The following ANKRD36C variants were observed in gnomAD, a reference collection of about 807,000 sequenced individuals.
ANKRD36C encodes the protein ankyrin repeat domain-containing protein 36C.
Under a neutral mutation model 276.4 loss-of-function variants are expected in ANKRD36C, and 61 were observed. That is an observed-to-expected ratio of 0.22 (90% CI 0.18 to 0.27). The LOEUF (loss-of-function observed/expected upper bound fraction) is 0.27, where lower values mean the gene tolerates loss of function less well. ANKRD36C is among the 10% of genes least tolerant of loss of function. The pLI is 1.00. For missense variants in ANKRD36C, 1,447 were observed against 2,032.3 expected (o/e 0.71, Z 5.54); for synonymous variants, 483 against 680.1 (o/e 0.71, Z 4.51).
intron 45 of ANKRD36C, 43 bp from the exon 66 acceptor site, chr2:95,891,780 T>C (rs775600217): frequency 1.3e-5 from 20 of 1,559,554 alleles, no homozygotes; most frequent in Middle Eastern, 1.8e-4. Flanking sequence ...ATAAAGTATG[T>C]TTCATAGACT....
At chr2:95,989,133 C>T (rs1413372372) in intron 1 of ANKRD36C, among the ~76,000 whole-genome samples, 1 of 152,158 alleles carries the variant, frequency 6.6e-6, no homozygotes, top group Non-Finnish European at 1.5e-5. Context: ...TGCCACTGCA[C>T]TCCAGGCTGG....
exon 1 of ANKRD36C, chr2:95,991,655 C>T (rs777740821): frequency 1.2e-6 from 2 of 1,614,012 alleles, no homozygotes; most frequent in Admixed American, 3.3e-5. Context: ...AGAAGCCATC[C>T]GAGCACAAGC....
At chr2:95,868,435 A>AACCT (rs1362861636) in intron 59 of ANKRD36C, among the ~76,000 whole-genome samples, 3 of 152,128 alleles carry the variant, frequency 2.0e-5, no homozygotes, top group Non-Finnish European at 1.5e-5. Context: ...TTTGCCTCAC[A>AACCT]ACCTATTTGT....
intron 22 of ANKRD36C, among the ~76,000 whole-genome samples, chr2:95,936,871 C>T (rs1677733575): frequency 6.6e-6 from 1 of 152,228 alleles, no homozygotes; most frequent in South Asian, 2.1e-4. Context: ...AATGGACTAA[C>T]TTGTACAAAT....
chr2:95,864,351 C>T (rs1442186532), intron 60 of ANKRD36C, among the ~76,000 whole-genome samples: 1 of 151,814 alleles, frequency 6.6e-6, no homozygotes, highest in Non-Finnish European at 1.5e-5. Flanking sequence ...ATAAAATTTA[C>T]TCCTGATGTC....
At chr2:95,873,808 C>T (rs1227227846) in intron 59 of ANKRD36C, among the ~76,000 whole-genome samples, 1 of 152,226 alleles carries the variant, frequency 6.6e-6, no homozygotes, top group Admixed American at 6.5e-5. Flanking sequence ...TCTCCTTAAG[C>T]TGATCAGCAA....
chr2:95,960,181 T>C lies in ANKRD36C; in HGVS notation c.1003+292A>G, dbSNP rs539822351. Among the ~76,000 whole-genome samples, 15 of 152,206 alleles carry C rather than the reference T, an allele frequency of 9.9e-5. No individual in the cohort carries two copies. In the East Asian group the frequency reaches 1.2e-3, roughly 12 times the overall value. On this transcript the variant is annotated intron_variant, in intron 10 of 66. Coordinates refer to ENST00000456556, the Ensembl canonical transcript of ANKRD36C. ...CCTTCCCCTCTTGATGGAGACATGC[T>C]GTAGAATTAAAGCAAAATTATGCTG...
At chr2:95,969,674 T>C (rs1043590554) in intron 6 of ANKRD36C, among the ~76,000 whole-genome samples, 80 of 152,326 alleles carry the variant, frequency 5.3e-4, no homozygotes, top group African/African-American at 1.8e-3. Context: ...TATAGTCAAA[T>C]AGAAGGTCAA....
At chr2:95,964,118 A>G (rs1316563594) in intron 6 of ANKRD36C, among the ~76,000 whole-genome samples, 1 of 146,530 alleles carries the variant, frequency 6.8e-6, no homozygotes, top group Non-Finnish European at 1.5e-5. Context: ...GATATAATAT[A>G]CCATAGGGGT....
intron 28 of ANKRD36C, 137 bp downstream of exon 28, chr2:95,927,077 C>T: frequency 7.8e-7 from 1 of 1,286,434 alleles, no homozygotes; most frequent in East Asian, 2.5e-5. Flanking sequence ...ATCAGTGTCA[C>T]CTGAGAACTG....
At chr2:95,916,348 C>T (rs200884327) in intron 36 of ANKRD36C, among the ~76,000 whole-genome samples, 177 bp from the exon 39 acceptor site, 2 of 151,386 alleles carry the variant, frequency 1.3e-5, no homozygotes, top group African/African-American at 2.4e-5. Flanking sequence ...AAAAAGGGAA[C>T]ACAGGCTCCA....
At chr2:95,857,261 A>G (rs12717777) in intron 62 of ANKRD36C, 48 bp downstream of exon 82, 1 of 1,563,234 alleles carries the variant, frequency 6.4e-7, no homozygotes, top group South Asian at 1.2e-5. Flanking sequence ...TGGTATAAGT[A>G]ATATTAATAA....
intron 52 of ANKRD36C, among the ~76,000 whole-genome samples, chr2:95,884,722 A>C (rs923172109): frequency 6.6e-6 from 1 of 152,034 alleles, no homozygotes; most frequent in African/African-American, 2.4e-5. Context: ...AGCAGATGGT[A>C]CTTGATCCCA....
intron 17 of ANKRD36C, 146 bp downstream of exon 17, chr2:95,948,384 T>C (rs1573794173): frequency 1.4e-6 from 1 of 734,932 alleles, no homozygotes; most frequent in Non-Finnish European, 2.0e-6. Context: ...TAACCCCCCC[T>C]ATTTCTTTAA....
intron 36 of ANKRD36C, 48 bp from the exon 39 acceptor site, chr2:95,916,219 A>C (rs759077748): frequency 2.6e-5 from 42 of 1,599,240 alleles, no homozygotes; most frequent in African/African-American, 4.0e-5. Context: ...AATATGATAA[A>C]GTTATCCATA....
exon 63 of ANKRD36C, chr2:95,856,102 C>T: frequency 6.2e-7 from 1 of 1,606,394 alleles, no homozygotes; most frequent in Non-Finnish European, 8.5e-7. Context: ...GTGTCTTTTT[C>T]CAGCCTGAGC....
intron 42 of ANKRD36C, among the ~76,000 whole-genome samples, 192 bp downstream of exon 44, chr2:95,912,052 G>T (rs1402024261): frequency 6.6e-6 from 1 of 151,394 alleles, no homozygotes; most frequent in Non-Finnish European, 1.5e-5. Flanking sequence ...GTGGGGATGT[G>T]TATAATCTTA....
At chr2:95,927,127 A>T in intron 28 of ANKRD36C, 87 bp downstream of exon 28, 2 of 1,555,240 alleles carry the variant, frequency 1.3e-6, no homozygotes, top group Non-Finnish European at 1.8e-6. Context: ...TGCAGCTTCA[A>T]TGAATCCCCC....
intron 5 of ANKRD36C, among the ~76,000 whole-genome samples, chr2:95,979,585 C>T (rs1225980207): frequency 6.6e-6 from 1 of 151,900 alleles, no homozygotes; most frequent in African/African-American, 2.4e-5. Flanking sequence ...AAGTTGAATG[C>T]CTACTACTCT....
Sources: gnomAD v4.1 joint callset for allele counts (sites outside exome capture counted in the v4.1 genomes callset) on GRCh38, gnomAD v4.1.1 for gene constraint, MANE v1.5 for transcripts, NCBI Gene and HGNC (gene_info 2026-07-23, HGNC 2026-07-21) for gene names.